The following NCK2 variants were observed in gnomAD, a reference collection of about 807,000 sequenced individuals.
NCK2 encodes the protein cytoplasmic protein NCK2.
Under a neutral mutation model 33.9 loss-of-function variants are expected in NCK2, and 16 were observed. The ratio of observed to expected loss-of-function variants is 0.47; its 90% confidence interval spans 0.32 to 0.72. The LOEUF is 0.72. Among genes scored for constraint, NCK2 ranks in the 30% least tolerant of loss-of-function variants. The pLI is 0.03. For missense variants in NCK2, 418 were observed against 537.3 expected (o/e 0.78, Z 2.19); for synonymous variants, 273 against 239.9 (o/e 1.14, Z -1.27).
At chr2:105,787,632 C>T (rs1411121405) in intron 1 of NCK2, among the ~76,000 whole-genome samples, 2 of 152,152 alleles carry the variant, frequency 1.3e-5, no homozygotes, top group Admixed American at 6.5e-5. Context: ...TGAGCTGACT[C>T]AGGCAGTGAA....
intron 1 of NCK2, among the ~76,000 whole-genome samples, chr2:105,792,854 G>A (rs1690940295): frequency 6.6e-6 from 1 of 152,170 alleles, no homozygotes; most frequent in African/African-American, 2.4e-5. Context: ...TAATGCACAG[G>A]GGTTGCAAAG....
At chr2:105,822,128 AT>A (rs1394852476) in intron 2 of NCK2, among the ~76,000 whole-genome samples, 2 of 151,518 alleles carry the variant, frequency 1.3e-5, no homozygotes, top group African/African-American at 4.9e-5. Flanking sequence ...CGTGAGATTT[AT>A]TTTTTTCTCC....
intron 2 of NCK2, among the ~76,000 whole-genome samples, chr2:105,822,654 A>G (rs139254828): frequency 6.6e-6 from 1 of 152,010 alleles, no homozygotes; most frequent in African/African-American, 2.4e-5. Context: ...CTTCCTAGAA[A>G]GCTGAAGAAA....
At chr2:105,824,141 G>C (rs1051568167) in intron 2 of NCK2, among the ~76,000 whole-genome samples, 4 of 152,032 alleles carry the variant, frequency 2.6e-5, no homozygotes, top group African/African-American at 9.7e-5. Flanking sequence ...TTCCATTTTG[G>C]GTTTTGCTTG....
chr2:105,833,881 A>T (rs1676293335), intron 2 of NCK2, among the ~76,000 whole-genome samples: 1 of 151,764 alleles, frequency 6.6e-6, no homozygotes, highest in Non-Finnish European at 1.5e-5. Flanking sequence ...CAGATTTTTT[A>T]TTTCCTTCTT....
chr2:105,821,321 G>A (rs1266457152), intron 2 of NCK2, among the ~76,000 whole-genome samples: 1 of 152,176 alleles, frequency 6.6e-6, no homozygotes, highest in African/African-American at 2.4e-5. Context: ...TAGGGCTAAA[G>A]CTTCTGTTGA....
At chr2:105,885,379 A>G (rs2104673663) in intron 4 of NCK2, among the ~76,000 whole-genome samples, 1 of 152,270 alleles carries the variant, frequency 6.6e-6, no homozygotes, top group East Asian at 1.9e-4. Context: ...TCTCTTTTTT[A>G]AAATATATGA....
chr2:105,806,793 C>G (rs1675061734), intron 1 of NCK2, among the ~76,000 whole-genome samples: 1 of 151,914 alleles, frequency 6.6e-6, no homozygotes, highest in Non-Finnish European at 1.5e-5. Context: ...GAAGCAAATC[C>G]CATTCCATAG....
At chr2:105,791,702 T>C (rs1270501194) in intron 1 of NCK2, among the ~76,000 whole-genome samples, 1 of 152,214 alleles carries the variant, frequency 6.6e-6, no homozygotes, top group Non-Finnish European at 1.5e-5. Context: ...ACTTGACAAT[T>C]CAGGCAAATC....
chr2:105,744,887 C>CGCCGCCGCCGCTGCCGCCGCT (rs1458680460), upstream of NCK2: 1 of 160,898 alleles, frequency 6.2e-6, no homozygotes, highest in Non-Finnish European at 1.3e-5. Flanking sequence ...CCGCCGCCGC[C>CGCCGCCGCCGCTGCCGCCGCT]GCCGCCGCTG....
chr2:105,781,546 T>G (rs1306014354), intron 1 of NCK2, among the ~76,000 whole-genome samples: 1 of 152,262 alleles, frequency 6.6e-6, no homozygotes, highest in African/African-American at 2.4e-5. Flanking sequence ...AAGATCTGGT[T>G]TGCTGGCATG....
chr2:105,774,249 T>TC (rs1367329156), intron 1 of NCK2, among the ~76,000 whole-genome samples: 3 of 151,896 alleles, frequency 2.0e-5, no homozygotes, highest in Admixed American at 6.6e-5. Flanking sequence ...CCTCAAGTTA[T>TC]CCCCCCGCCT....
rs1245319306 is a variant in NCK2 at position 105,835,396 on chromosome 2, T to TATAC, written c.-17+18786_-17+18787insCATA. ...ATATACATATATATACACATATATA[T>TATAC]ATATATATACGTGTATATATATATA... is the stretch of plus-strand genomic sequence containing the variant. On this transcript the variant is annotated intron_variant, in intron 2 of 4. Transcript: ENST00000233154. Among the ~76,000 whole-genome samples, 62 of 97,744 alleles carry TATAC rather than the reference T, an allele frequency of 6.3e-4. 1 individual carries two copies. Among genetic ancestry groups the TATAC allele is most frequent in the East Asian group, 2.3e-3 (6 of 2,658 alleles). The allele number at this position is 97,744 out of a possible 152,430, so 64.1% of individuals were successfully genotyped here. A position where few individuals can be genotyped will look rare whatever the true frequency, so the allele number is the denominator to read the frequency against.
rs1401033902 is a variant in NCK2 at position 105,837,549 on chromosome 2, A to G, written c.-16-17499A>G. Among the ~76,000 whole-genome samples, 15 of 152,220 alleles carry G rather than the reference A, an allele frequency of 9.9e-5. No individual in the cohort carries two copies. In the East Asian group the frequency reaches 2.7e-3, roughly 27 times the overall value. ...TATTTTCTCTTCTTTAACTGTCATAAGCAGTACTGCCCTGAGCACTGTGCA... is the reference window on the plus strand; with the variant it reads ...TATTTTCTCTTCTTTAACTGTCATAGGCAGTACTGCCCTGAGCACTGTGCA... On this transcript the variant is annotated intron_variant, in intron 2 of 4. Coordinates refer to ENST00000233154, the MANE Select transcript of NCK2 (RefSeq NM_003581.5).
At chr2:105,803,119 TG>T (rs1674903131) in intron 1 of NCK2, among the ~76,000 whole-genome samples, 1 of 152,204 alleles carries the variant, frequency 6.6e-6, no homozygotes, top group African/African-American at 2.4e-5. Context: ...AGGTCAGTCT[TG>T]GGAAAGCAAG....
intron 2 of NCK2, among the ~76,000 whole-genome samples, chr2:105,823,027 CAG>C: frequency 6.6e-6 from 1 of 152,040 alleles, no homozygotes; most frequent in East Asian, 1.9e-4. Context: ...ACAGGCCACA[CAG>C]AGCTTGAAAT....
chr2:105,876,677 C>G (rs1678246227), intron 3 of NCK2, among the ~76,000 whole-genome samples: 1 of 152,214 alleles, frequency 6.6e-6, no homozygotes, highest in African/African-American at 2.4e-5. Context: ...TCATGTTACC[C>G]TGTTAAACAC....
At chr2:105,873,916 A>G (rs1678129453) in intron 3 of NCK2, among the ~76,000 whole-genome samples, 2 of 152,116 alleles carry the variant, frequency 1.3e-5, no homozygotes, top group African/African-American at 4.8e-5. Flanking sequence ...TATTTCCCCC[A>G]TGACTGTAGC....
intron 1 of NCK2, among the ~76,000 whole-genome samples, chr2:105,750,618 A>G (rs1357417893): frequency 6.6e-6 from 1 of 152,252 alleles, no homozygotes; most frequent in Non-Finnish European, 1.5e-5. Context: ...GCACCCCATA[A>G]CAGGGAACAA....
Sources: allele counts gnomAD v4.1 joint callset (sites outside exome capture counted in the v4.1 genomes callset), GRCh38; gene constraint gnomAD v4.1.1; transcripts MANE v1.5; gene names NCBI Gene and HGNC (gene_info 2026-07-23, HGNC 2026-07-21).